The following PCNX1 variants were observed in gnomAD, a reference collection of about 807,000 sequenced individuals.
The protein encoded by PCNX1 is pecanex-like protein 1.
A neutral mutation model predicts 242.2 loss-of-function variants in PCNX1; 78 were observed. The ratio of observed to expected loss-of-function variants is 0.32; its 90% CI spans 0.27 to 0.39. PCNX1 has a LOEUF of 0.39. PCNX1 is among the 10% of genes least tolerant of loss of function. The pLI is 1.00. For missense variants in PCNX1, 2,581 were observed against 2,856.5 expected (o/e 0.90, Z 2.20); for synonymous variants, 1,024 against 1,032.9 (o/e 0.99, Z 0.17).
intron 8 of PCNX1, among the ~76,000 whole-genome samples, chr14:71,007,319 C>T (rs1220559535): frequency 1.3e-5 from 2 of 151,680 alleles, no homozygotes; most frequent in Non-Finnish European, 2.9e-5. Flanking sequence ...TTTACTGTTT[C>T]ATTTGAAAAT....
At chr14:71,072,871 AT>A (rs1566775515) in intron 26 of PCNX1, among the ~76,000 whole-genome samples, 1 of 152,174 alleles carries the variant, frequency 6.6e-6, no homozygotes, top group Non-Finnish European at 1.5e-5. Context: ...TGGTTTTTGT[AT>A]TTCTAAAATT....
At position 71,047,057 on chromosome 14, in the gene PCNX1, T is replaced by A; in HGVS notation, c.4112T>A (p.Leu1371Gln). 1 of 1,610,064 alleles carries A rather than the reference T, an allele frequency of 6.2e-7. No individual in the cohort carries two copies. The highest frequency in any genetic ancestry group is 8.5e-7 in the Non-Finnish European group (1 of 1,176,858). ...IIYPLIVLNE[L>Q]SSSAETIASP... ...TATCCATTGATTGTTCTCAATGAAC[T>A]GAGCAGCAGTGCAGAGACAATTGCT... The change falls in exon 21 of 36, where the codon CTG (leucine) becomes CAG (glutamine). Residue 1371 changes from leucine (L) to glutamine (Q), a missense_variant. Physicochemically the swap from Leu to Gln is moderately radical, Grantham distance 113 (BLOSUM62 -2). This residue lies in a region of PCNX1 where 432 missense variants were observed against 443.1 expected (regional missense o/e 0.97). Coordinates refer to ENST00000304743, the MANE Select transcript of PCNX1 (RefSeq NM_014982.3).
At chr14:70,936,585 A>G (rs1195586652) in intron 1 of PCNX1, among the ~76,000 whole-genome samples, 2 of 152,200 alleles carry the variant, frequency 1.3e-5, no homozygotes, top group African/African-American at 4.8e-5. Context: ...GTACTGCATT[A>G]AACATACGTG....
rs146845203 is a variant in PCNX1 at position 71,077,439 on chromosome 14, G to C, written c.5337+1020G>C. Among the ~76,000 whole-genome samples the C allele has an allele frequency of 8.5e-4, 130 of 152,334 alleles. 2 individuals are homozygous for C. The highest frequency in any genetic ancestry group is 3.1e-3 in the African/African-American group (127 of 41,564). On this transcript the variant is annotated intron_variant, in intron 28 of 35. Coordinates refer to ENST00000304743, the MANE Select transcript of PCNX1 (RefSeq NM_014982.3). ...GTGCCTTCGTCATGGTCTAGGAGGT[G>C]CATACCGACCATCTTCACGTTTAGC...
In PCNX1 at chr14:70,969,010, T is replaced by TA; in HGVS notation, c.515-9dup. 1 of 1,546,644 alleles carries TA rather than the reference T, an allele frequency of 6.5e-7. No homozygotes were observed. The highest frequency in any genetic ancestry group is 8.9e-7 in the Non-Finnish European group (1 of 1,118,702). The stretch of plus-strand genomic sequence containing the variant: ...ATATAAGGTCCTCACATGTTTCTCT[T>TA]AACTTTGTAGGAGATACAGACACTG... On this transcript the variant is annotated splice_polypyrimidine_tract_variant and intron_variant, in intron 4 of 35. Transcript: ENST00000304743.
rs775871977 is a variant in PCNX1 at position 71,102,139 on chromosome 14, G to C, written c.5739G>C (p.Leu1913=). Residue 1913 remains leucine (L), a synonymous_variant, in exon 31 of 36, where the codon CTG becomes CTC. Coordinates refer to ENST00000304743, the MANE Select transcript of PCNX1 (RefSeq NM_014982.3). ...CCAACTCTCCCTCCTTGCTTGCTCT[G>C]CGGCATGTCATGGATGATGGCACCA... The part of the protein sequence containing the change: ...VLANSPSLLA[L]RHVMDDGTNE... The C allele has an allele frequency of 6.2e-7, 1 of 1,614,048 alleles. No individual in the cohort carries two copies. Among genetic ancestry groups the C allele is most frequent in the African/African-American group, 1.3e-5 (1 of 74,994 alleles).
At chr14:70,914,712 C>T (rs2056077758) in intron 1 of PCNX1, among the ~76,000 whole-genome samples, 1 of 152,124 alleles carries the variant, frequency 6.6e-6, no homozygotes. Flanking sequence ...CTGTTTTATT[C>T]CTCTATCTGT....
In PCNX1 at chr14:71,026,193, A is replaced by G. The variant is rs2060239243; in HGVS notation, c.3260A>G (p.Tyr1087Cys). Residue 1087 changes from tyrosine (Y) to cysteine (C), a missense_variant, in exon 14 of 36, where the codon TAT becomes TGT. Physicochemically the swap from Tyr to Cys is radical, Grantham distance 194. Around this residue, in one of 9 missense-constraint regions of PCNX1, gnomAD observed 432 missense variants for 443.1 expected, o/e 0.97. Transcript: ENST00000304743. ...ICCGLIWLLD[Y>C]GSRNLTATKF... ...TGCGGTCTTATTTGGCTCTTGGATT[A>G]TGGTAGCAGAAACCTGACTGCAACC... 1.9e-6 allele frequency: 3 copies of G among 1,610,738 alleles called. No individual in the cohort carries two copies. Among genetic ancestry groups the G allele is most frequent in the East Asian group, 4.5e-5 (2 of 44,820 alleles).
intron 12 of PCNX1, among the ~76,000 whole-genome samples, chr14:71,020,324 T>C (rs887427298): frequency 2.0e-5 from 3 of 152,214 alleles, no homozygotes; most frequent in African/African-American, 7.2e-5. Context: ...GGTCAAATGG[T>C]ATTTCTGGTT....
intron 16 of PCNX1, among the ~76,000 whole-genome samples, chr14:71,029,149 A>G (rs141681895): frequency 5.3e-5 from 8 of 152,194 alleles, no homozygotes; most frequent in Admixed American, 2.6e-4. Flanking sequence ...GTTTTTTTAA[A>G]CTTATAAAAA....
Position 71,045,639 on chromosome 14 carries a change from T to A in PCNX1, c.4018+356T>A, listed in dbSNP as rs565149501. Among the ~76,000 whole-genome samples the A allele has an allele frequency of 3.3e-5, 5 of 152,268 alleles. No individual in the cohort carries two copies. The South Asian group carries it at 1.0e-3, about 32-fold the overall frequency. On this transcript the variant is annotated intron_variant, in intron 20 of 35. Transcript: ENST00000304743. ...TCAATGCCATATACAGGCAATCCAA[T>A]CCTCTTTAAGGCCTCTCTATTTGAA...
chr14:71,073,315 C>T (rs111613106), intron 26 of PCNX1, among the ~76,000 whole-genome samples: 1 of 152,226 alleles, frequency 6.6e-6, no homozygotes, highest in East Asian at 1.9e-4. Context: ...ACAAAAAAAG[C>T]GTAGTGTGCT....
chr14:70,998,943 C>T (rs987830240), intron 8 of PCNX1, among the ~76,000 whole-genome samples: 2 of 151,882 alleles, frequency 1.3e-5, no homozygotes, highest in African/African-American at 4.8e-5. Flanking sequence ...TAATATGTTG[C>T]TCTTTATTTT....
intron 2 of PCNX1, among the ~76,000 whole-genome samples, chr14:70,948,762 TAC>T (rs1239393190): frequency 6.7e-6 from 1 of 148,700 alleles, no homozygotes; most frequent in African/African-American, 2.5e-5. Flanking sequence ...TATGTACATA[TAC>T]ACATATATGT....
At chr14:70,937,974 T>C in intron 1 of PCNX1, among the ~76,000 whole-genome samples, 1 of 152,244 alleles carries the variant, frequency 6.6e-6, no homozygotes, top group Admixed American at 6.5e-5. Context: ...TTTTGCACAT[T>C]GATTTTGTAT....
intron 25 of PCNX1, among the ~76,000 whole-genome samples, 200 bp from the exon 26 acceptor site, chr14:71,057,309 A>G (rs2061209418): frequency 6.6e-6 from 1 of 152,208 alleles, no homozygotes; most frequent in Non-Finnish European, 1.5e-5. Flanking sequence ...CCGGGAGGTT[A>G]TGTGACTTCT....
chr14:71,058,604 G>A (rs2061243542), intron 26 of PCNX1, among the ~76,000 whole-genome samples: 1 of 152,180 alleles, frequency 6.6e-6, no homozygotes, highest in African/African-American at 2.4e-5. Context: ...TGACTAGAAA[G>A]AGAAGGAAGT....
chr14:71,050,219 T>C lies in PCNX1; in HGVS notation c.4339-433T>C, dbSNP rs188250330. ...TAAGTTTTAGGGTACATGTGCACAATGTGCAGGTTAGTTACATATGTATAC... is the reference window on the plus strand; with the variant it reads ...TAAGTTTTAGGGTACATGTGCACAACGTGCAGGTTAGTTACATATGTATAC... On this transcript the variant is annotated intron_variant, in intron 22 of 35. Coordinates refer to ENST00000304743, the MANE Select transcript of PCNX1 (RefSeq NM_014982.3). Among the ~76,000 whole-genome samples the C allele has an allele frequency of 1.1e-3, 162 of 152,218 alleles. 1 individual carries two copies. Among genetic ancestry groups the C allele is most frequent in the Non-Finnish European group, 5.0e-4 (34 of 68,006 alleles).
Position 70,995,808 on chromosome 14 carries a change from C to G in PCNX1, c.2512C>G (p.Gln838Glu), listed in dbSNP as rs1322886618. Residue 838 changes from glutamine (Q) to glutamate (E), a missense_variant, in exon 8 of 36, where the codon CAG (glutamine) becomes GAG (glutamate). Around this residue, in one of 9 missense-constraint regions of PCNX1, gnomAD observed 1,204 missense variants for 1,216.7 expected, o/e 0.99. Coordinates refer to ENST00000304743, the MANE Select transcript of PCNX1 (RefSeq NM_014982.3). ...QVKVQSRPPS[Q>E]AAVLSASASL... The stretch of plus-strand genomic sequence containing the variant: ...CAAAGTCCAGTCCCGCCCCCCTTCC[C>G]AGGCTGCAGTGCTCAGTGCTAGTGC... The G allele has an allele frequency of 2.5e-6, 4 of 1,614,040 alleles. No homozygotes were observed. Among genetic ancestry groups the G allele is most frequent in the East Asian group, 2.2e-5 (1 of 44,882 alleles).
Sources: gnomAD v4.1 joint callset for allele counts (sites outside exome capture counted in the v4.1 genomes callset) on GRCh38, gnomAD v4.1.1 for gene constraint, gnomAD v4.1.1 regional missense constraint, MANE v1.5 for transcripts, NCBI Gene and HGNC (gene_info 2026-07-23, HGNC 2026-07-21) for gene names.